Variants in SPC25 observed in about 807,000 individuals in gnomAD.
The protein encoded by SPC25 is SPC25 component of NDC80 kinetochore complex, also known as kinetochore protein Spc25.
SPC25 carries 22 observed loss-of-function variants against 29.6 expected under a neutral mutation model. The ratio of observed to expected loss-of-function variants is 0.74; its 90% CI spans 0.53 to 1.06. The LOEUF is 1.06. Ranked by LOEUF, SPC25 falls within the 50% of genes least tolerant of loss-of-function variation. SPC25 has a pLI of 0.00. For synonymous variants in SPC25, 91 were observed against 90.4 expected (o/e 1.01, Z -0.04); for missense variants, 230 against 255.8 (o/e 0.90, Z 0.69).
chr2:168,888,867 T>A (rs1051362072), intron 3 of SPC25, among the ~76,000 whole-genome samples: 1 of 146,440 alleles, frequency 6.8e-6, no homozygotes. Flanking sequence ...GCTCGAGGGA[T>A]CCACCCAACT....
intron 6 of SPC25, among the ~76,000 whole-genome samples, chr2:168,872,897 A>G (rs992546957): frequency 3.9e-5 from 6 of 152,194 alleles, no homozygotes; most frequent in African/African-American, 1.4e-4. Context: ...AGTGTCTGTC[A>G]GCTACAAAGG....
chr2:168,890,293 C>A, intron 1 of SPC25, 25 bp downstream of exon 1: 1 of 975,736 alleles, frequency 1.0e-6, no homozygotes, highest in Non-Finnish European at 1.2e-6. Context: ...GCCAAGGAGC[C>A]CAGCTCGGCG....
chr2:168,888,949 G>A (rs1471420265), intron 3 of SPC25, among the ~76,000 whole-genome samples: 6 of 71,780 alleles, frequency 8.4e-5, no homozygotes, highest in African/African-American at 2.9e-4. Context: ...GTGTGTGTGT[G>A]TGTGTGTGTA....
At chr2:168,864,632 T>TATC (rs1689738825) in intron 4 of SPC25, among the ~76,000 whole-genome samples, 1 of 152,226 alleles carries the variant, frequency 6.6e-6, no homozygotes, top group Admixed American at 6.5e-5. Context: ...AGTTGTTCAT[T>TATC]ATCTTACTCT....
downstream of SPC25, among the ~76,000 whole-genome samples, chr2:168,866,606 C>A (rs1689858569): frequency 6.6e-6 from 1 of 151,904 alleles, no homozygotes; most frequent in Non-Finnish European, 1.5e-5. Context: ...GCAATGGCAA[C>A]AAAAGCCAAA....
chr2:168,870,701 A>G (rs1179059769), downstream of SPC25, among the ~76,000 whole-genome samples: 35 of 148,890 alleles, frequency 2.4e-4, no homozygotes, highest in Middle Eastern at 3.5e-3. Flanking sequence ...AAAAAGTCAG[A>G]AAACAACAGG....
chr2:168,864,749 C>G (rs1043995124), intron 4 of SPC25: 1 of 1,493,606 alleles, frequency 6.7e-7, no homozygotes. Context: ...ATCCTTGAAG[C>G]AGAACCTCCT....
At chr2:168,862,290 C>G (rs1689510063) in intron 4 of SPC25, among the ~76,000 whole-genome samples, 1 of 152,104 alleles carries the variant, frequency 6.6e-6, no homozygotes. Flanking sequence ...TTCATGAAAC[C>G]CTTGGAGGGT....
rs543986793 is a variant in SPC25 at position 168,884,229 on chromosome 2, G to A, written c.199+4997C>T. On this transcript the variant is annotated intron_variant, in intron 3 of 6. Transcript: ENST00000282074. Reference sequence around the variant, plus strand: ...TGGAAAGAGCACAGACACTATCATTGTGATCCTAGATCCTCTATTTACCTT... The same window carrying A: ...TGGAAAGAGCACAGACACTATCATTATGATCCTAGATCCTCTATTTACCTT... Among the ~76,000 whole-genome samples the A allele has an allele frequency of 3.9e-5, 6 of 152,234 alleles. No individual in the cohort carries two copies. In the East Asian group the frequency reaches 7.7e-4, roughly 20 times the overall value.
Position 168,876,118 on chromosome 2 carries a change from T to G in SPC25, c.405A>C (p.Ala135=). The part of the protein sequence containing the change: ...AERLKRLQKS[A]DLYKDRLGLE... ...GTCCAAGTCGATCTTTATACAAGTC[T>G]GCAGATTTCTGCAGCCTTTTCAACC... is the stretch of plus-strand genomic sequence containing the variant. Residue 135 remains alanine (A), a synonymous_variant, in exon 5 of 7, where the codon GCA becomes GCC. Transcript: ENST00000282074. The G allele has an allele frequency of 1.3e-6, 2 of 1,567,680 alleles. No individual in the cohort carries two copies. The highest frequency in any genetic ancestry group is 2.5e-5 in the South Asian group (2 of 81,312).
chr2:168,864,976 G>A, intron 4 of SPC25: 1 of 1,613,796 alleles, frequency 6.2e-7, no homozygotes. Flanking sequence ...CATAAAACAA[G>A]ACTCTGAACA....
chr2:168,867,344 C>G (rs544092898), downstream of SPC25, among the ~76,000 whole-genome samples: 9 of 152,192 alleles, frequency 5.9e-5, no homozygotes, highest in African/African-American at 1.7e-4. Context: ...GCAAAATAAC[C>G]AGCTAACATC....
chr2:168,862,382 C>T (rs1689516495), intron 4 of SPC25, among the ~76,000 whole-genome samples: 1 of 151,550 alleles, frequency 6.6e-6, no homozygotes, highest in Admixed American at 6.6e-5. Context: ...CAGGCTGTGG[C>T]AACACAAGAT....
In SPC25 at chr2:168,876,134, CT is replaced by C; in HGVS notation, c.388del (p.Arg130GlyfsTer15). On this transcript the variant is annotated frameshift_variant, in exon 5 of 7. Coordinates refer to ENST00000282074, the MANE Select transcript of SPC25 (RefSeq NM_020675.4). LOFTEE classifies it high-confidence loss of function. ...ANKANAERLK[R>X]LQKSADLYKD... ...ATACAAGTCTGCAGATTTCTGCAGC[CT>C]TTTCAACCTCTCTGCATTCGCTTTA... 3 of 1,569,742 alleles carry C rather than the reference CT, an allele frequency of 1.9e-6. No individual in the cohort carries two copies. Among genetic ancestry groups the C allele is most frequent in the Admixed American group, 2.1e-5 (1 of 48,738 alleles).
intron 3 of SPC25, among the ~76,000 whole-genome samples, chr2:168,888,590 AC>A (rs1334349378): frequency 6.6e-6 from 1 of 151,500 alleles, no homozygotes; most frequent in Non-Finnish European, 1.5e-5. Flanking sequence ...GACACAAAAA[AC>A]CCCCACAATA....
At chr2:168,881,142 A>C (rs1428930563) in intron 3 of SPC25, among the ~76,000 whole-genome samples, 2 of 152,210 alleles carry the variant, frequency 1.3e-5, no homozygotes, top group African/African-American at 4.8e-5. Context: ...TCCATGTACC[A>C]AAATACTGGC....
At chr2:168,866,330 A>G (rs1313642075), downstream of SPC25, among the ~76,000 whole-genome samples, 1 of 152,306 alleles carries the variant, frequency 6.6e-6, no homozygotes, top group Non-Finnish European at 1.5e-5. Context: ...CCGCATATCT[A>G]CAACTATCTG....
intron 5 of SPC25, among the ~76,000 whole-genome samples, chr2:168,873,983 C>A (rs1690042338): frequency 1.3e-5 from 2 of 152,096 alleles, no homozygotes; most frequent in African/African-American, 4.8e-5. Context: ...AAAATATTTG[C>A]AATCATTTAT....
downstream of SPC25, among the ~76,000 whole-genome samples, chr2:168,870,450 C>T (rs898736425): frequency 1.3e-5 from 2 of 150,580 alleles, no homozygotes; most frequent in Non-Finnish European, 3.0e-5. Context: ...ATTTTTGCAA[C>T]CTACTCATCT....
Sources: allele counts gnomAD v4.1 joint callset (sites outside exome capture counted in the v4.1 genomes callset), GRCh38; gene constraint gnomAD v4.1.1; transcripts MANE v1.5; gene names NCBI Gene and HGNC (gene_info 2026-07-23, HGNC 2026-07-21).